Variants in CACNA1E observed in about 807,000 individuals in gnomAD.
CACNA1E encodes voltage-dependent R-type calcium channel subunit alpha-1E.
In CACNA1E, 40 loss-of-function variants were observed where a neutral mutation model predicts 259.2. That is an observed-to-expected ratio of 0.15 (90% confidence interval 0.12 to 0.20). The LOEUF is 0.20. Ranked by LOEUF, CACNA1E falls within the 10% of genes least tolerant of loss-of-function variation. CACNA1E has a pLI of 1.00. For synonymous variants in CACNA1E, 1,104 were observed against 1,138.5 expected (o/e 0.97, Z 0.61); for missense variants, 1,874 against 3,040.1 (o/e 0.62, Z 9.02).
chr1:181,335,568 G>A (rs1286355097), intron 1 of CACNA1E, among the ~76,000 whole-genome samples: 1 of 152,336 alleles, frequency 6.6e-6, no homozygotes, highest in East Asian at 1.9e-4. Context: ...GTTTTCAGCT[G>A]TGCATGCTGC....
chr1:181,492,220 C>A (rs1664379008), intron 1 of CACNA1E, among the ~76,000 whole-genome samples: 1 of 152,118 alleles, frequency 6.6e-6, no homozygotes, highest in African/African-American at 2.4e-5. Context: ...AGTATAATGA[C>A]AATTGAGATT....
intron 1 of CACNA1E, among the ~76,000 whole-genome samples, chr1:181,403,243 G>A (rs678995): frequency 1.3e-5 from 2 of 150,948 alleles, no homozygotes; most frequent in Non-Finnish European, 2.9e-5. Context: ...AAGTAAAAAT[G>A]TAAAGGATTT....
chr1:181,735,477 G>A (rs796699161), intron 21 of CACNA1E, among the ~76,000 whole-genome samples: 4 of 152,308 alleles, frequency 2.6e-5, no homozygotes, highest in East Asian at 1.9e-4. Flanking sequence ...AGCAGTGGGC[G>A]AGGGTGACTG....
chr1:181,725,329 T>C (rs1031159360), intron 17 of CACNA1E, among the ~76,000 whole-genome samples: 1 of 152,240 alleles, frequency 6.6e-6, no homozygotes, highest in African/African-American at 2.4e-5. Context: ...TGCCATTGGC[T>C]GTGTTGGCTT....
intron 3 of CACNA1E, among the ~76,000 whole-genome samples, chr1:181,572,637 T>A (rs989968338): frequency 6.6e-6 from 1 of 152,144 alleles, no homozygotes; most frequent in Non-Finnish European, 1.5e-5. Flanking sequence ...ACGCTTGTGC[T>A]CTTGAGGAGC....
At chr1:181,643,957 G>T (rs1355357308) in intron 6 of CACNA1E, among the ~76,000 whole-genome samples, 1 of 152,144 alleles carries the variant, frequency 6.6e-6, no homozygotes, top group African/African-American at 2.4e-5. Context: ...TATACTCAGG[G>T]CTCCAAGTTA....
chr1:181,332,309 C>T (rs554614408), intron 1 of CACNA1E, among the ~76,000 whole-genome samples: 1 of 152,174 alleles, frequency 6.6e-6, no homozygotes, highest in East Asian at 1.9e-4. Flanking sequence ...TGCAGCAAAC[C>T]ACCATGGCAC....
intron 2 of CACNA1E, among the ~76,000 whole-genome samples, chr1:181,444,070 C>T (rs1317828864): frequency 1.3e-5 from 2 of 152,190 alleles, no homozygotes; most frequent in Admixed American, 6.5e-5. Context: ...AGCTCTACTT[C>T]CAGGATTGGT....
At chr1:181,334,099 T>C (rs1327359182) in intron 1 of CACNA1E, among the ~76,000 whole-genome samples, 1 of 152,254 alleles carries the variant, frequency 6.6e-6, no homozygotes, top group Admixed American at 6.5e-5. Context: ...TCCAAGATCA[T>C]AAATGGCCTT....
intron 7 of CACNA1E, among the ~76,000 whole-genome samples, chr1:181,661,253 A>G (rs1160268615): frequency 1.3e-5 from 2 of 152,202 alleles, no homozygotes; most frequent in African/African-American, 4.8e-5. Context: ...GCATTTGAAG[A>G]TGATCACCCT....
In CACNA1E at chr1:181,744,953, C is replaced by T. The variant is rs560640913; in HGVS notation, c.3720-5523C>T. ...GTAAGCAGATAGGAGGATTTTGTTT[C>T]CTGACACTCCAGTTTAAAAGTCACC... On this transcript the variant is annotated intron_variant, in intron 25 of 47. Transcript: ENST00000367573. Among the ~76,000 whole-genome samples, 7 of 152,288 alleles carry T rather than the reference C, an allele frequency of 4.6e-5. No homozygotes were observed. In the South Asian group the frequency reaches 6.2e-4, roughly 14 times the overall value.
At chr1:181,715,497 G>A (rs774168319) in intron 9 of CACNA1E, 106 bp downstream of exon 9, 17 of 686,818 alleles carry the variant, frequency 2.5e-5, no homozygotes, top group Non-Finnish European at 4.4e-5. Flanking sequence ...TGGTGTTCTG[G>A]GATTGGAAAT....
intron 2 of CACNA1E, among the ~76,000 whole-genome samples, chr1:181,421,741 CT>C (rs1192052914): frequency 6.6e-6 from 1 of 152,182 alleles, no homozygotes; most frequent in Non-Finnish European, 1.5e-5. Flanking sequence ...TCAATAACAT[CT>C]CCCAAACATA....
chr1:181,703,514 T>TTA (rs1652482046), intron 7 of CACNA1E, among the ~76,000 whole-genome samples: 1 of 152,208 alleles, frequency 6.6e-6, no homozygotes, highest in Non-Finnish European at 1.5e-5. Context: ...AGGAAACATA[T>TTA]TCCAGTTCCT....
intron 2 of CACNA1E, among the ~76,000 whole-genome samples, chr1:181,463,099 C>T (rs765434144): frequency 6.6e-6 from 1 of 152,044 alleles, no homozygotes; most frequent in African/African-American, 2.4e-5. Context: ...GATAAGACCC[C>T]CAGTGGATGC....
At chr1:181,753,562 G>A (rs1190518777) in intron 27 of CACNA1E, among the ~76,000 whole-genome samples, 1 of 152,198 alleles carries the variant, frequency 6.6e-6, no homozygotes, top group Non-Finnish European at 1.5e-5. Flanking sequence ...ACTGACGTGA[G>A]TGGTCCCTGT....
chr1:181,397,066 G>A (rs1319176235), intron 1 of CACNA1E, among the ~76,000 whole-genome samples: 2 of 152,170 alleles, frequency 1.3e-5, no homozygotes, highest in African/African-American at 4.8e-5. Flanking sequence ...AAGCCCTGAA[G>A]ATAGGTGGGT....
chr1:181,675,212 A>G (rs996139880), intron 7 of CACNA1E, among the ~76,000 whole-genome samples: 4 of 152,192 alleles, frequency 2.6e-5, no homozygotes, highest in Non-Finnish European at 4.4e-5. Flanking sequence ...GAAGGAATAT[A>G]TCTGCTTCTC....
chr1:181,479,293 A>ATGGGGTGC (rs1331576271), upstream of CACNA1E, among the ~76,000 whole-genome samples: 1 of 152,104 alleles, frequency 6.6e-6, no homozygotes, highest in African/African-American at 2.4e-5. Flanking sequence ...GGCATGGTGC[A>ATGGGGTGC]TGGGGTGCTG....
Sources: allele counts gnomAD v4.1 joint callset (sites outside exome capture counted in the v4.1 genomes callset), GRCh38; gene constraint gnomAD v4.1.1; transcripts MANE v1.5; gene names NCBI Gene and HGNC (gene_info 2026-07-23, HGNC 2026-07-21).